Variants in SSBP4 observed in about 807,000 individuals in gnomAD.
SSBP4 encodes the protein single-stranded DNA-binding protein 4.
SSBP4 carries 33 observed loss-of-function variants against 64.6 expected under a neutral mutation model. The ratio of observed to expected loss-of-function variants is 0.51; its 90% confidence interval spans 0.39 to 0.68. The LOEUF is 0.68. SSBP4 is among the 30% of genes least tolerant of loss of function. SSBP4 has a pLI of 0.00. For missense variants in SSBP4, 583 were observed against 566.8 expected (o/e 1.03, Z -0.29); for synonymous variants, 243 against 224.0 (o/e 1.08, Z -0.76).
upstream of SSBP4, among the ~76,000 whole-genome samples, chr19:18,417,631 G>A (rs1351851313): frequency 6.6e-6 from 1 of 152,194 alleles, no homozygotes; most frequent in African/African-American, 2.4e-5. The surrounding 1 kb of genome is among the most constrained non-coding windows in gnomAD (Gnocchi z 5.4). Context: ...TCGCCAGCCC[G>A]AGGCCCTGCG....
chr19:18,403,190 C>T, the SSBP4 span, among the ~76,000 whole-genome samples: 2 of 152,178 alleles, frequency 1.3e-5, no homozygotes, highest in Non-Finnish European at 2.9e-5. Context: ...GACACGGATT[C>T]CTTTGCTCAC....
chr19:18,422,349 C>T (rs1017896840), intron 1 of SSBP4, among the ~76,000 whole-genome samples: 2 of 152,140 alleles, frequency 1.3e-5, no homozygotes, highest in Non-Finnish European at 2.9e-5. Context: ...GGGACACTGG[C>T]CTCGGGACTC....
chr19:18,419,477 TGCCGCCGCC>T lies in SSBP4; in HGVS notation c.-166_-158del, dbSNP rs901750144. 47 of 1,078,062 alleles carry T rather than the reference TGCCGCCGCC, an allele frequency of 4.4e-5. No individual in the cohort carries two copies. Among genetic ancestry groups the T allele is most frequent in the Non-Finnish European group, 4.9e-5 (44 of 890,544 alleles). 66.8% of individuals were successfully genotyped at this position (1,078,062 alleles called of 1,614,324 possible). On this transcript the variant is annotated 5_prime_UTR_variant, in exon 1 of 18. Transcript: ENST00000270061. Reference sequence around the variant, plus strand: ...CCGGGGCCGGAGCTGGAGCCGCCGCTGCCGCCGCCGCCGCGGCCGTCTGGAGCTCCCCCG... The same window carrying T: ...CCGGGGCCGGAGCTGGAGCCGCCGCTGCCGCGGCCGTCTGGAGCTCCCCCG...
At position 18,423,685 on chromosome 19, in the gene SSBP4, C is replaced by T. The variant is rs767462256; in HGVS notation, c.60-3666C>T. Among the ~76,000 whole-genome samples the T allele has an allele frequency of 6.6e-5, 10 of 152,204 alleles. No individual in the cohort carries two copies. The highest frequency in any genetic ancestry group is 1.3e-4 in the Non-Finnish European group (9 of 68,032). Reference sequence around the variant, plus strand: ...TAGCACCCCATCCTGGCTCTGCTTCCCTGCACAGCCTCATGCTCGCTCCAG... The same window carrying T: ...TAGCACCCCATCCTGGCTCTGCTTCTCTGCACAGCCTCATGCTCGCTCCAG... On this transcript the variant is annotated intron_variant, in intron 1 of 17. Coordinates refer to ENST00000270061, the MANE Select transcript of SSBP4 (RefSeq NM_032627.5). This position sits in a 1 kb window ranked among gnomAD's most constrained non-coding sequence, Gnocchi z 4.0.
At chr19:18,409,773 G>T in the SSBP4 span, among the ~76,000 whole-genome samples, 2 of 152,108 alleles carry the variant, frequency 1.3e-5, no homozygotes, top group African/African-American at 4.8e-5. Context: ...TCCCTCCTCG[G>T]CCTCCCAAAT....
the SSBP4 span, among the ~76,000 whole-genome samples, chr19:18,409,921 T>C: frequency 1.3e-5 from 2 of 152,204 alleles, no homozygotes; most frequent in Non-Finnish European, 1.5e-5. Flanking sequence ...AATCTCTGTC[T>C]CTCAGGTTCA....
chr19:18,411,747 T>C, the SSBP4 span, among the ~76,000 whole-genome samples: 3 of 152,064 alleles, frequency 2.0e-5, no homozygotes, highest in South Asian at 2.1e-4. Flanking sequence ...TTACCAAGTG[T>C]GGACTCTGTG....
At chr19:18,403,829 G>A in the SSBP4 span, among the ~76,000 whole-genome samples, 2 of 152,018 alleles carry the variant, frequency 1.3e-5, no homozygotes, top group Admixed American at 6.6e-5. Flanking sequence ...GCTACTCCCA[G>A]GTTTCTGGGA....
intron 4 of SSBP4, among the ~76,000 whole-genome samples, chr19:18,428,655 C>G (rs187251770): frequency 6.6e-6 from 1 of 152,262 alleles, no homozygotes; most frequent in Admixed American, 6.5e-5. Flanking sequence ...CCGGCTCTGC[C>G]GGTGGGCGTC....
In SSBP4 at chr19:18,427,307, T is replaced by G. The variant is rs1289957759; in HGVS notation, c.60-44T>G. The G allele has an allele frequency of 3.1e-6, 5 of 1,597,256 alleles. No homozygotes were observed. In the Admixed American group the frequency reaches 8.4e-5, roughly 27 times the overall value. On this transcript the variant is annotated intron_variant, in intron 1 of 17. Transcript: ENST00000270061. This position sits in a 1 kb window ranked among gnomAD's most constrained non-coding sequence, Gnocchi z 4.4. ...ATGGAGGGGCTTTGGGGTGGGCCCT[T>G]GCCTTGGAGAGTCTGAGCTCCCTGG...
chr19:18,430,526 ATGTT>A (rs1469350740), intron 4 of SSBP4, among the ~76,000 whole-genome samples: 2 of 152,042 alleles, frequency 1.3e-5, no homozygotes, highest in Non-Finnish European at 2.9e-5. Flanking sequence ...ATTTGTGTGT[ATGTT>A]TATTTGGGGG....
intron 1 of SSBP4, among the ~76,000 whole-genome samples, chr19:18,420,957 C>T (rs1972421790): frequency 6.6e-6 from 1 of 151,960 alleles, no homozygotes; most frequent in Non-Finnish European, 1.5e-5. Flanking sequence ...CCTGGAGTGG[C>T]CCGTGGTGTG....
At chr19:18,412,354 G>A in the SSBP4 span, among the ~76,000 whole-genome samples, 4 of 151,480 alleles carry the variant, frequency 2.6e-5, no homozygotes, top group African/African-American at 4.9e-5. Context: ...CCAGCTACTC[G>A]GGAGGCTGAG....
Position 18,421,393 on chromosome 19 carries a change from C to T in SSBP4, c.59+1686C>T, listed in dbSNP as rs574432373. On this transcript the variant is annotated intron_variant, in intron 1 of 17. Transcript: ENST00000270061. ...CCATGGTCACCCCTGGACCCCTGGT[C>T]TGTCTCCTGTGTGTCTCCAGGCAGC... Among the ~76,000 whole-genome samples the T allele has an allele frequency of 7.9e-5, 12 of 152,368 alleles. No individual in the cohort carries two copies. In the South Asian group the frequency reaches 2.3e-3, roughly 29 times the overall value.
At position 18,427,882 on chromosome 19, in the gene SSBP4, C is replaced by A. The variant is rs779972415; in HGVS notation, c.195-16C>A. ...GGGAGGCACGTGGAGCAACCATCTT[C>A]CCCTTTGGCCCACAGCGTCTTCTGG... On this transcript the variant is annotated splice_polypyrimidine_tract_variant and intron_variant, in intron 3 of 17. Coordinates refer to ENST00000270061, the MANE Select transcript of SSBP4 (RefSeq NM_032627.5). This position sits in a 1 kb window ranked among gnomAD's most constrained non-coding sequence, Gnocchi z 4.4. 1.2e-6 allele frequency: 2 copies of A among 1,613,944 alleles called. No individual in the cohort carries two copies. Among genetic ancestry groups the A allele is most frequent in the South Asian group, 2.2e-5 (2 of 91,090 alleles).
At chr19:18,419,816 C>G (rs1972302617) in intron 1 of SSBP4, 109 bp downstream of exon 1, 1 of 820,490 alleles carries the variant, frequency 1.2e-6, no homozygotes, top group Non-Finnish European at 1.5e-6. Context: ...GAGCGCGAGC[C>G]TGAGCGCGCT....
intron 15 of SSBP4, 22 bp from the exon 16 acceptor site, chr19:18,433,563 C>A (rs369294291): frequency 6.5e-7 from 1 of 1,544,614 alleles, no homozygotes; most frequent in African/African-American, 1.4e-5. Context: ...GAGCCGGTGC[C>A]CGTGTCTGTC....
intron 13 of SSBP4, 36 bp from the exon 14 acceptor site, chr19:18,432,937 C>G (rs1004195977): frequency 1.9e-6 from 3 of 1,614,072 alleles, no homozygotes; most frequent in Non-Finnish European, 2.5e-6. Flanking sequence ...TTGGGGGAAA[C>G]CCCGTCACAC....
chr19:18,424,888 G>A (rs1000212910), intron 1 of SSBP4, among the ~76,000 whole-genome samples: 1 of 151,904 alleles, frequency 6.6e-6, no homozygotes, highest in African/African-American at 2.4e-5. Flanking sequence ...GGGAAGGGGT[G>A]GGGGCTCAGG....
Sources: allele counts gnomAD v4.1 joint callset (sites outside exome capture counted in the v4.1 genomes callset), GRCh38; gene constraint gnomAD v4.1.1; non-coding constraint Gnocchi (gnomAD v3.1); transcripts MANE v1.5; gene names NCBI Gene and HGNC (gene_info 2026-07-23, HGNC 2026-07-21).